The following DOCK4 variants were observed in gnomAD, a reference collection of about 807,000 sequenced individuals.
DOCK4 encodes dedicator of cytokinesis 4.
A neutral mutation model predicts 268.1 loss-of-function variants in DOCK4; 97 were observed. That is an observed-to-expected ratio of 0.36 (90% confidence interval 0.31 to 0.43). The LOEUF (loss-of-function observed/expected upper bound fraction) is 0.43. Among genes scored for constraint, DOCK4 ranks in the 20% least tolerant of loss-of-function variants. DOCK4 has a pLI of 1.00. For synonymous variants in DOCK4, 954 were observed against 887.2 expected, an observed-to-expected ratio of 1.08 and a Z score of -1.34; for missense variants, 2,145 against 2,455.7, an observed-to-expected ratio of 0.87 and a Z score of 2.67.
At chr7:112,008,182 G>A (rs1394925005) in intron 1 of DOCK4, among the ~76,000 whole-genome samples, 2 of 152,034 alleles carry the variant, frequency 1.3e-5, no homozygotes, top group South Asian at 2.1e-4. Flanking sequence ...TTAGTCATAC[G>A]GGCCCTGAGA....
Position 111,728,520 on chromosome 7 carries a change from C to CGGCACG in DOCK4, c.5676_5681dup (p.Val1893_Pro1894dup). On this transcript the variant is annotated inframe_insertion, in exon 53 of 53. Coordinates refer to ENST00000428084, the MANE Select transcript of DOCK4 (RefSeq NM_001363540.2). ...GCACTGGCTCCTCCCCGCCGTAGCTCGGCACGGGCACCGGCACTGGCACCG... is the reference window on the plus strand; with the variant it reads ...GCACTGGCTCCTCCCCGCCGTAGCTCGGCACGGGCACGGGCACCGGCACTGGCACCG... 1 of 1,613,324 alleles carries CGGCACG rather than the reference C, an allele frequency of 6.2e-7. No homozygotes were observed.
Position 111,994,194 on chromosome 7 carries a change from T to C in DOCK4, c.256A>G (p.Ile86Val), listed in dbSNP as rs1292689231. The C allele has an allele frequency of 6.2e-7, 1 of 1,607,248 alleles. No individual in the cohort carries two copies. Among genetic ancestry groups the C allele is most frequent in the East Asian group, 2.2e-5 (1 of 44,786 alleles). The stretch of plus-strand genomic sequence containing the variant: ...CTTAATGTTGATGTCATTTCTGTGA[T>C]AACAGAGTCTTCAGTGGGAATAACC... ...EMVIPTEDSV[I>V]TEMTSTLRDW... Residue 86 changes from isoleucine (I) to valine (V), a missense_variant, in exon 5 of 53, where the codon ATC becomes GTC. By Grantham distance (29) the Ile-to-Val change is conservative. Around this residue, in one of 2 missense-constraint regions of DOCK4, gnomAD observed 1,598 missense variants for 1,986.7 expected, o/e 0.80. Transcript: ENST00000428084.
intron 7 of DOCK4, among the ~76,000 whole-genome samples, chr7:111,977,580 A>G (rs1287235240): frequency 6.6e-6 from 1 of 152,238 alleles, no homozygotes; most frequent in Non-Finnish European, 1.5e-5. Context: ...CCTTGCTTGA[A>G]GAATTTTTAA....
chr7:111,739,564 T>C, intron 47 of DOCK4, 87 bp from the exon 48 acceptor site: 1 of 1,232,726 alleles, frequency 8.1e-7, no homozygotes, highest in African/African-American at 1.5e-5. Context: ...ATCAACTTTT[T>C]TTCAAATTAG....
chr7:111,758,606 A>G lies in DOCK4; in HGVS notation c.4329+18T>C. The G allele has an allele frequency of 3.1e-6, 5 of 1,613,038 alleles. No individual in the cohort carries two copies. The highest frequency in any genetic ancestry group is 4.2e-6 in the Non-Finnish European group (5 of 1,179,450). On this transcript the variant is annotated intron_variant, in intron 41 of 52. Transcript: ENST00000428084. The stretch of plus-strand genomic sequence containing the variant: ...AGTCTATCTGAGGAGTTAGCATGTA[A>G]TAAGAATTGCATGGTACCTTGAATT...
chr7:111,859,978 T>G (rs1204094640), intron 23 of DOCK4, among the ~76,000 whole-genome samples: 2 of 152,150 alleles, frequency 1.3e-5, no homozygotes, highest in Non-Finnish European at 2.9e-5. Flanking sequence ...GTTATACAGT[T>G]TTATATTGTC....
At chr7:112,190,607 CAG>C (rs1819868358) in intron 1 of DOCK4, among the ~76,000 whole-genome samples, 2 of 151,450 alleles carry the variant, frequency 1.3e-5, no homozygotes, top group African/African-American at 4.9e-5. Flanking sequence ...AGATTGCAGA[CAG>C]GGGCCGATTT....
intron 30 of DOCK4, among the ~76,000 whole-genome samples, chr7:111,790,989 C>T (rs1255867798): frequency 3.4e-5 from 5 of 147,664 alleles, no homozygotes; most frequent in African/African-American, 1.0e-4. Context: ...ACCCGGGAGG[C>T]GGAGCTTGCA....
At chr7:111,731,117 A>G (rs1795056531) in intron 52 of DOCK4, among the ~76,000 whole-genome samples, 1 of 152,220 alleles carries the variant, frequency 6.6e-6, no homozygotes, top group Non-Finnish European at 1.5e-5. Context: ...ATGCTGTCAC[A>G]GGTACTTCAT....
At chr7:111,949,002 G>A (rs1042921737) in intron 8 of DOCK4, among the ~76,000 whole-genome samples, 3 of 151,776 alleles carry the variant, frequency 2.0e-5, no homozygotes, top group Non-Finnish European at 2.9e-5. Context: ...GCTTTACTTA[G>A]TCGAAACTGC....
chr7:112,080,767 T>C (rs1808508688), intron 1 of DOCK4, among the ~76,000 whole-genome samples: 1 of 152,176 alleles, frequency 6.6e-6, no homozygotes, highest in Non-Finnish European at 1.5e-5. Flanking sequence ...AGACAACCAC[T>C]GTCAAAGAAA....
chr7:111,826,845 T>C (rs1802434497), intron 26 of DOCK4, among the ~76,000 whole-genome samples: 1 of 152,136 alleles, frequency 6.6e-6, no homozygotes, highest in Admixed American at 6.6e-5. Flanking sequence ...ATATATTCAT[T>C]AACAAACCTG....
intron 43 of DOCK4, 92 bp downstream of exon 43, chr7:111,747,175 T>A: frequency 1.6e-6 from 2 of 1,228,640 alleles, no homozygotes; most frequent in Non-Finnish European, 2.2e-6. Context: ...GTTTGCGTGC[T>A]GATATGGGTA....
chr7:112,172,461 C>T (rs952659507), intron 1 of DOCK4, among the ~76,000 whole-genome samples: 9 of 152,164 alleles, frequency 5.9e-5, no homozygotes, highest in African/African-American at 2.2e-4. Flanking sequence ...TAGAAAATAT[C>T]TGACGTCAAA....
At chr7:111,970,482 T>G (rs950602997) in intron 8 of DOCK4, among the ~76,000 whole-genome samples, 1 of 152,182 alleles carries the variant, frequency 6.6e-6, no homozygotes, top group African/African-American at 2.4e-5. Context: ...ACATAAGTGT[T>G]AAATGAATGT....
At chr7:112,201,078 T>C (rs1303648158) in intron 1 of DOCK4, among the ~76,000 whole-genome samples, 6 of 152,290 alleles carry the variant, frequency 3.9e-5, no homozygotes, top group African/African-American at 1.4e-4. Flanking sequence ...GAAAACACTT[T>C]AAGAAACTGT....
chr7:112,022,612 G>C (rs1410137815), intron 1 of DOCK4, among the ~76,000 whole-genome samples: 2 of 152,174 alleles, frequency 1.3e-5, no homozygotes, highest in Admixed American at 1.3e-4. Flanking sequence ...GGTAATAACA[G>C]TATTTGCCTC....
In DOCK4 at chr7:111,940,094, C is replaced by T. The variant is rs766120348; in HGVS notation, c.977+16G>A. ...CCTGTGCCTACCCCAGCCATCACCA[C>T]GTGCATGTTTCTTACATGTATACTT... On this transcript the variant is annotated intron_variant, in intron 11 of 52. Coordinates refer to ENST00000428084, the MANE Select transcript of DOCK4 (RefSeq NM_001363540.2). 10 of 1,613,804 alleles carry T rather than the reference C, an allele frequency of 6.2e-6. No individual in the cohort carries two copies. The East Asian group carries it at 6.7e-5, about 11-fold the overall frequency.
chr7:112,051,176 G>A (rs1048186389), intron 1 of DOCK4, among the ~76,000 whole-genome samples: 6 of 152,154 alleles, frequency 3.9e-5, no homozygotes, highest in Middle Eastern at 3.4e-3. Context: ...AGTTTACAAC[G>A]TAAAGGGAAA....
Sources: gnomAD v4.1 joint callset for allele counts (sites outside exome capture counted in the v4.1 genomes callset) on GRCh38, gnomAD v4.1.1 for gene constraint, gnomAD v4.1.1 regional missense constraint, MANE v1.5 for transcripts, NCBI Gene and HGNC (gene_info 2026-07-23, HGNC 2026-07-21) for gene names.